MACROD2: variants seen among roughly 807,000 people sequenced by gnomAD.
MACROD2 encodes the protein ADP-ribose glycohydrolase MACROD2.
MACROD2 carries 36 observed loss-of-function variants against 70.4 expected under a neutral mutation model. The observed-to-expected ratio is 0.51, with a 90% CI of 0.39 to 0.68. MACROD2 has a LOEUF of 0.68. Among genes scored for constraint, MACROD2 ranks in the 30% least tolerant of loss-of-function variants. MACROD2 has a pLI of 0.00. For missense variants in MACROD2, 496 were observed against 538.4 expected, an observed-to-expected ratio of 0.92 and a Z score of 0.78; for synonymous variants, 172 against 178.8, an observed-to-expected ratio of 0.96 and a Z score of 0.30.
intron 13 of MACROD2, among the ~76,000 whole-genome samples, chr20:15,975,539 C>T: frequency 6.6e-6 from 1 of 152,012 alleles, no homozygotes; most frequent in East Asian, 1.9e-4. Flanking sequence ...ACAAGATTTC[C>T]AAATTAATTG....
intron 8 of MACROD2, among the ~76,000 whole-genome samples, chr20:15,718,755 C>T (rs1331609972): frequency 6.6e-6 from 1 of 152,134 alleles, no homozygotes; most frequent in East Asian, 1.9e-4. Flanking sequence ...GGAAGTTATA[C>T]CCCCTAACGA....
chr20:15,907,438 C>G (rs1053270291), intron 10 of MACROD2, among the ~76,000 whole-genome samples: 1 of 152,188 alleles, frequency 6.6e-6, no homozygotes, highest in Admixed American at 6.5e-5. Flanking sequence ...ATGGGGAGAG[C>G]ATGGAAATCT....
chr20:14,616,520 T>C (rs1983488531), intron 4 of MACROD2, among the ~76,000 whole-genome samples: 1 of 152,132 alleles, frequency 6.6e-6, no homozygotes, highest in Non-Finnish European at 1.5e-5. Context: ...CTGGAAATGA[T>C]GTTAAGTGTA....
At position 15,980,577 on chromosome 20, in the gene MACROD2, A is replaced by G. The variant is rs562308937; in HGVS notation, c.986-6150A>G. On this transcript the variant is annotated intron_variant, in intron 13 of 17. Transcript: ENST00000684519. The stretch of plus-strand genomic sequence containing the variant: ...TATTACTATTATAACTCCTATTATA[A>G]GAGTTTTAAGTCCTCTTAGTGCTGG... 1.3e-4 allele frequency among the ~76,000 whole-genome samples: 20 copies of G among 152,314 alleles called. No homozygotes were observed. The South Asian group carries it at 3.7e-3, about 28-fold the overall frequency.
chr20:15,069,215 G>T (rs1357292667), intron 5 of MACROD2, among the ~76,000 whole-genome samples: 1 of 152,148 alleles, frequency 6.6e-6, no homozygotes, highest in Non-Finnish European at 1.5e-5. Flanking sequence ...TCAAGATGTG[G>T]CATGGCTGCT....
At chr20:15,926,628 A>T (rs966273726) in intron 10 of MACROD2, among the ~76,000 whole-genome samples, 1 of 152,148 alleles carries the variant, frequency 6.6e-6, no homozygotes, top group Non-Finnish European at 1.5e-5. Flanking sequence ...TTCAGTACAG[A>T]TCTCATTGAA....
intron 5 of MACROD2, among the ~76,000 whole-genome samples, chr20:14,726,967 A>G (rs764628158): frequency 9.8e-5 from 15 of 152,348 alleles, no homozygotes; most frequent in Non-Finnish European, 2.1e-4. Context: ...AGTCTTATTT[A>G]TAATTGAAAA....
At chr20:15,619,194 C>G (rs1356254103) in intron 8 of MACROD2, among the ~76,000 whole-genome samples, 1 of 152,174 alleles carries the variant, frequency 6.6e-6, no homozygotes, top group African/African-American at 2.4e-5. Context: ...CATCTTGTGG[C>G]TAATCTGTTA....
chr20:14,538,542 A>G (rs796088479), intron 4 of MACROD2, among the ~76,000 whole-genome samples: 3 of 152,234 alleles, frequency 2.0e-5, no homozygotes, highest in African/African-American at 7.2e-5. Context: ...CTCAGCTACT[A>G]TGAGCCTGCT....
At chr20:15,628,254 A>G (rs1051923597) in intron 8 of MACROD2, among the ~76,000 whole-genome samples, 2 of 152,214 alleles carry the variant, frequency 1.3e-5, no homozygotes. Flanking sequence ...TTATTTACAT[A>G]TACATTTAAG....
At chr20:15,379,610 T>G (rs1436667451) in intron 6 of MACROD2, among the ~76,000 whole-genome samples, 3 of 152,164 alleles carry the variant, frequency 2.0e-5, no homozygotes, top group African/African-American at 7.2e-5. Flanking sequence ...AAACTCACAT[T>G]CAATTCATTT....
chr20:15,098,738 A>T (rs2075851473), intron 5 of MACROD2, among the ~76,000 whole-genome samples: 1 of 152,236 alleles, frequency 6.6e-6, no homozygotes, highest in Non-Finnish European at 1.5e-5. Context: ...AGGAACATGA[A>T]GGAGGAGCAC....
At position 15,853,013 on chromosome 20, in the gene MACROD2, AAAT is replaced by A. The variant is rs1223570778; in HGVS notation, c.646-9718_646-9716del. Among the ~76,000 whole-genome samples, 8 of 152,132 alleles carry A rather than the reference AAAT, an allele frequency of 5.3e-5. No individual in the cohort carries two copies. The East Asian group carries it at 1.5e-3, about 29-fold the overall frequency. Reference sequence around the variant, plus strand: ...AGGACAGCATGAGATTCTATCTCTAAAATAATAATAATAATAGTAATAATAACA... The same window carrying A: ...AGGACAGCATGAGATTCTATCTCTAAAATAATAATAATAGTAATAATAACA... On this transcript the variant is annotated intron_variant, in intron 8 of 17. Coordinates refer to ENST00000684519, the MANE Select transcript of MACROD2 (RefSeq NM_001351661.2).
chr20:14,988,045 T>C (rs973229592), intron 5 of MACROD2, among the ~76,000 whole-genome samples: 1 of 151,870 alleles, frequency 6.6e-6, no homozygotes, highest in African/African-American at 2.4e-5. Context: ...ATGTGGAAGA[T>C]CTTAATGAAT....
chr20:15,500,439 G>T lies in MACROD2; in HGVS notation c.645+592G>T, dbSNP rs572298249. 8.5e-5 allele frequency among the ~76,000 whole-genome samples: 13 copies of T among 152,218 alleles called. No individual in the cohort carries two copies. The South Asian group carries it at 2.7e-3, about 32-fold the overall frequency. On this transcript the variant is annotated intron_variant, in intron 8 of 17. Transcript: ENST00000684519. ...TTGTGATACGTTTAGTGATGAATAGGGGAATTACTCAAGTAAACAAAGCAG... is the reference window on the plus strand; with the variant it reads ...TTGTGATACGTTTAGTGATGAATAGTGGAATTACTCAAGTAAACAAAGCAG...
intron 5 of MACROD2, among the ~76,000 whole-genome samples, chr20:14,965,100 A>C (rs906482238): frequency 6.6e-6 from 1 of 152,146 alleles, no homozygotes; most frequent in African/African-American, 2.4e-5. Context: ...GAAAATTACT[A>C]TAAATGGTCA....
At chr20:14,804,722 T>A (rs1237564421) in intron 5 of MACROD2, among the ~76,000 whole-genome samples, 1 of 152,018 alleles carries the variant, frequency 6.6e-6, no homozygotes, top group African/African-American at 2.4e-5. Flanking sequence ...AAACTACAAT[T>A]ACCAGGAAAG....
chr20:15,063,174 T>C (rs2075546447), intron 5 of MACROD2, among the ~76,000 whole-genome samples: 1 of 152,246 alleles, frequency 6.6e-6, no homozygotes, highest in East Asian at 1.9e-4. Flanking sequence ...TGAACCATGA[T>C]ACGCTGGAGT....
chr20:14,759,902 G>A (rs570326955), intron 5 of MACROD2, among the ~76,000 whole-genome samples: 1 of 152,058 alleles, frequency 6.6e-6, no homozygotes, highest in Non-Finnish European at 1.5e-5. Flanking sequence ...GGAGGATTAA[G>A]TTCCCTTTCA....
Sources: allele counts gnomAD v4.1 joint callset (sites outside exome capture counted in the v4.1 genomes callset), GRCh38; gene constraint gnomAD v4.1.1; transcripts MANE v1.5; gene names NCBI Gene and HGNC (gene_info 2026-07-23, HGNC 2026-07-21).